RABGAP1L: variants seen among roughly 807,000 people sequenced by gnomAD.
The protein encoded by RABGAP1L is RAB GTPase activating protein 1 like, also known as rab GTPase-activating protein 1-like.
In RABGAP1L, 63 loss-of-function variants were observed where a neutral mutation model predicts 137.7. The observed-to-expected ratio is 0.46, with a 90% CI of 0.37 to 0.56. The LOEUF is 0.56. Ranked by LOEUF, RABGAP1L falls within the 20% of genes least tolerant of loss-of-function variation. The probability of loss-of-function intolerance (pLI) is 0.00; values close to 1 mark genes in which losing one functional copy is unlikely to be tolerated. For missense variants in RABGAP1L, 1,095 were observed against 1,244.0 expected (o/e 0.88, Z 1.80); for synonymous variants, 431 against 433.7 (o/e 0.99, Z 0.08).
intron 18 of RABGAP1L, among the ~76,000 whole-genome samples, chr1:174,785,670 ACCATT>A (rs1454316772): frequency 6.6e-6 from 1 of 152,204 alleles, no homozygotes; most frequent in Non-Finnish European, 1.5e-5. Flanking sequence ...TAAGAACGGG[ACCATT>A]CGAGCCCTGT....
intron 1 of RABGAP1L, among the ~76,000 whole-genome samples, chr1:174,202,828 A>G (rs1274649153): frequency 6.6e-6 from 1 of 152,236 alleles, no homozygotes; most frequent in East Asian, 1.9e-4. Context: ...TAATTTTTGT[A>G]TAAGGTGTAA....
chr1:174,393,913 A>G, intron 12 of RABGAP1L, 82 bp from the exon 13 acceptor site: 1 of 1,466,744 alleles, frequency 6.8e-7, no homozygotes. Flanking sequence ...ACACTTTTAT[A>G]TAAACTAGTA....
At chr1:174,366,193 C>T (rs1244846519) in intron 11 of RABGAP1L, among the ~76,000 whole-genome samples, 8 of 152,158 alleles carry the variant, frequency 5.3e-5, no homozygotes, top group Non-Finnish European at 1.2e-4. Flanking sequence ...TATAATTCTT[C>T]TAAACATCAT....
chr1:174,838,627 G>C (rs1439843986), intron 19 of RABGAP1L, among the ~76,000 whole-genome samples: 1 of 152,068 alleles, frequency 6.6e-6, no homozygotes, highest in African/African-American at 2.4e-5. Context: ...ACCAGAAAAA[G>C]AGGCAGACAA....
Position 174,358,447 on chromosome 1 carries a change from T to C in RABGAP1L, c.1466-12532T>C, listed in dbSNP as rs559640088. Reference sequence around the variant, plus strand: ...CCAGAGATCTCTGTCAGATGTTTCTTTCAAATGGCTGGCGGGTGGTGTAGG... The same window carrying C: ...CCAGAGATCTCTGTCAGATGTTTCTCTCAAATGGCTGGCGGGTGGTGTAGG... On this transcript the variant is annotated intron_variant, in intron 11 of 25. Transcript: ENST00000681986. 4.6e-5 allele frequency among the ~76,000 whole-genome samples: 7 copies of C among 152,348 alleles called. No individual in the cohort carries two copies. In the East Asian group the frequency reaches 7.7e-4, roughly 17 times the overall value.
In RABGAP1L at chr1:174,723,840, A is replaced by G. The variant is rs145487337; in HGVS notation, c.2169+21584A>G. Among the ~76,000 whole-genome samples, 39 of 152,292 alleles carry G rather than the reference A, an allele frequency of 2.6e-4. 1 individual carries two copies. The East Asian group carries it at 6.9e-3, about 27-fold the overall frequency. ...TTGTACCTCAGGGGTTTGTCATACC[A>G]TAATTTGGGATGCATTGTTATATAA... On this transcript the variant is annotated intron_variant, in intron 17 of 25. Transcript: ENST00000681986.
rs937719457 is a variant in RABGAP1L, at chr1:174,325,928, A to C, written c.1465+20801A>C. Among the ~76,000 whole-genome samples, 3 of 152,356 alleles carry C rather than the reference A, an allele frequency of 2.0e-5. No homozygotes were observed. The East Asian group carries it at 5.8e-4, about 29-fold the overall frequency. Reference sequence around the variant, plus strand: ...CCTGACTGGCTCTCCCACATGGCCTAGGGGCCCTTCAGGGACCTTCCGTGG... The same window carrying C: ...CCTGACTGGCTCTCCCACATGGCCTCGGGGCCCTTCAGGGACCTTCCGTGG... On this transcript the variant is annotated intron_variant, in intron 11 of 25. Transcript: ENST00000681986.
chr1:174,892,728 C>CTTTT (rs201231625), intron 19 of RABGAP1L: 31 of 395,706 alleles, frequency 7.8e-5, no homozygotes, highest in Admixed American at 2.2e-4. Context: ...TCTTTGTTTT[C>CTTTT]TTTCTTTTTT....
intron 13 of RABGAP1L, among the ~76,000 whole-genome samples, chr1:174,612,172 G>C (rs1215466556): frequency 1.3e-5 from 2 of 152,184 alleles, no homozygotes; most frequent in Non-Finnish European, 2.9e-5. Flanking sequence ...TGCCCATTCA[G>C]TATGATATTG....
intron 13 of RABGAP1L, among the ~76,000 whole-genome samples, chr1:174,512,627 C>G (rs1662458800): frequency 6.6e-6 from 1 of 152,088 alleles, no homozygotes; most frequent in South Asian, 2.1e-4. Context: ...CACTGTAAGC[C>G]TTCACTCTTT....
At chr1:174,398,498 C>T (rs953371908) in intron 13 of RABGAP1L, among the ~76,000 whole-genome samples, 1 of 151,958 alleles carries the variant, frequency 6.6e-6, no homozygotes, top group African/African-American at 2.4e-5. Context: ...GAGGGGCCCA[C>T]CACAAATAAC....
chr1:174,599,641 T>C (rs1413941963), intron 13 of RABGAP1L, among the ~76,000 whole-genome samples: 3 of 152,208 alleles, frequency 2.0e-5, no homozygotes, highest in Non-Finnish European at 4.4e-5. Flanking sequence ...ACTTAAAATA[T>C]GTCATGCCAC....
In RABGAP1L at chr1:174,792,723, C is replaced by T. The variant is rs528476961; in HGVS notation, c.2212-19109C>T. On this transcript the variant is annotated intron_variant, in intron 18 of 25. Transcript: ENST00000681986. The stretch of plus-strand genomic sequence containing the variant: ...ATAAAGCAACTAAAACTATATATAA[C>T]TGAGCCTAGTTACTAGAAGTTTCAG... 2.6e-5 allele frequency among the ~76,000 whole-genome samples: 4 copies of T among 152,334 alleles called. No homozygotes were observed. In the East Asian group the frequency reaches 7.7e-4, roughly 29 times the overall value.
chr1:174,167,203 AAAG>A (rs1664984137), intron 1 of RABGAP1L, among the ~76,000 whole-genome samples: 3 of 150,754 alleles, frequency 2.0e-5, no homozygotes, highest in African/African-American at 7.2e-5. Context: ...TGTTTCTGTT[AAAG>A]TTTTTTCCCC....
At chr1:174,189,686 G>C (rs1362922732) in intron 1 of RABGAP1L, among the ~76,000 whole-genome samples, 2 of 152,144 alleles carry the variant, frequency 1.3e-5, no homozygotes, top group African/African-American at 2.4e-5. Context: ...GAAGAGAAAG[G>C]GGCTGGATGC....
chr1:174,689,137 T>C (rs1451496008), intron 15 of RABGAP1L, among the ~76,000 whole-genome samples: 1 of 152,102 alleles, frequency 6.6e-6, no homozygotes, highest in Non-Finnish European at 1.5e-5. Flanking sequence ...TTAACTTTTA[T>C]ACATTTTTCT....
At chr1:174,779,357 A>G (rs1467757148) in intron 18 of RABGAP1L, among the ~76,000 whole-genome samples, 1 of 152,210 alleles carries the variant, frequency 6.6e-6, no homozygotes, top group Non-Finnish European at 1.5e-5. Flanking sequence ...TTATGACACC[A>G]AAATGCCATC....
intron 19 of RABGAP1L, among the ~76,000 whole-genome samples, chr1:174,920,874 G>T (rs1235142667): frequency 6.6e-6 from 1 of 152,254 alleles, no homozygotes; most frequent in Non-Finnish European, 1.5e-5. Context: ...CTCCAAAACT[G>T]TTAGGAAAGA....
At chr1:174,436,424 C>A (rs954956601) in intron 13 of RABGAP1L, among the ~76,000 whole-genome samples, 20 of 152,162 alleles carry the variant, frequency 1.3e-4, no homozygotes, top group Non-Finnish European at 1.5e-5. Context: ...AGCATTTTTT[C>A]ATGTGTTTTT....
Sources: allele counts gnomAD v4.1 joint callset (sites outside exome capture counted in the v4.1 genomes callset), GRCh38; gene constraint gnomAD v4.1.1; transcripts MANE v1.5; gene names NCBI Gene and HGNC (gene_info 2026-07-23, HGNC 2026-07-21).